Variants in PI16 observed in about 807,000 individuals in gnomAD.
PI16 encodes peptidase inhibitor 16, also known as PSP94-binding protein.
A neutral mutation model predicts 38.0 loss-of-function variants in PI16; 35 were observed. The observed-to-expected ratio is 0.92, with a 90% CI of 0.70 to 1.22. The LOEUF is 1.22. PI16 is among the 50% of genes most tolerant of loss of function. The probability of loss-of-function intolerance (pLI) is 0.00; values close to 1 mark genes in which losing one functional copy is unlikely to be tolerated. For synonymous variants in PI16, 275 were observed against 252.9 expected, an observed-to-expected ratio of 1.09 and a Z score of -0.83; for missense variants, 572 against 593.8, an observed-to-expected ratio of 0.96 and a Z score of 0.38.
At chr6:36,950,811 G>A (rs1763088210), upstream of PI16, among the ~76,000 whole-genome samples, 1 of 152,096 alleles carries the variant, frequency 6.6e-6, no homozygotes, top group Non-Finnish European at 1.5e-5. The surrounding 1 kb of genome is among the most constrained non-coding windows in gnomAD (Gnocchi z 4.2). Context: ...CCAAAATGCT[G>A]TGATTACAGG....
chr6:36,956,661 T>G (rs912032501), intron 1 of PI16, among the ~76,000 whole-genome samples: 1 of 152,238 alleles, frequency 6.6e-6, no homozygotes, highest in Admixed American at 6.5e-5. Context: ...TTGGCCAAAT[T>G]AAACTCTCTG....
chr6:36,962,633 C>T lies in PI16; in HGVS notation c.593-302C>T, dbSNP rs756728693. 6.6e-6 allele frequency among the ~76,000 whole-genome samples: 1 copy of T among 152,094 alleles called. No homozygotes were observed. Among genetic ancestry groups the T allele is most frequent in the Non-Finnish European group, 1.5e-5 (1 of 68,018 alleles). ...GGACTACAGGCACGCGCCACCACGC[C>T]TGGCTAATTTTGTATTTTTAGTAGA... On this transcript the variant is annotated intron_variant, in intron 4 of 6. Transcript: ENST00000373674. The surrounding 1 kb of genome is among the most constrained non-coding windows in gnomAD (Gnocchi z 4.1).
chr6:36,962,635 G>A lies in PI16; in HGVS notation c.593-300G>A, dbSNP rs535569967. On this transcript the variant is annotated intron_variant, in intron 4 of 6. Transcript: ENST00000373674. The surrounding 1 kb of genome is among the most constrained non-coding windows in gnomAD (Gnocchi z 4.1). ...ACTACAGGCACGCGCCACCACGCCT[G>A]GCTAATTTTGTATTTTTAGTAGAGA... Among the ~76,000 whole-genome samples the A allele has an allele frequency of 1.1e-3, 164 of 152,148 alleles. No individual in the cohort carries two copies. Among genetic ancestry groups the A allele is most frequent in the Non-Finnish European group, 1.9e-3 (131 of 67,980 alleles).
At position 36,959,294 on chromosome 6, in the gene PI16, C is replaced by A; in HGVS notation, c.321C>A (p.His107Gln). Reference protein sequence around the residue: ...MDVPLAMEEWHHEREHYNLSA... With the variant: ...MDVPLAMEEWQHEREHYNLSA... ...TGCCGCTGGCCATGGAGGAGTGGCA[C>A]CACGAGCGTGAGCACTACAACCTCA... The change falls in exon 2 of 7, where the codon CAC becomes CAA. Residue 107 changes from histidine to glutamine, a missense_variant. His to Gln is a conservative substitution (Grantham distance 24). Coordinates refer to ENST00000373674, the MANE Select transcript of PI16 (RefSeq NM_153370.3). The A allele has an allele frequency of 6.3e-7, 1 of 1,593,248 alleles. No homozygotes were observed. The highest frequency in any genetic ancestry group is 1.1e-5 in the South Asian group (1 of 87,808).
chr6:36,959,117 C>T (rs1197852463), intron 1 of PI16, 28 bp from the exon 2 acceptor site: 1 of 1,579,946 alleles, frequency 6.3e-7, no homozygotes, highest in Non-Finnish European at 8.6e-7. Context: ...TGGGCATCCT[C>T]ACCTCCCTTC....
rs1026962513 is a variant in PI16 at position 36,962,273 on chromosome 6, G to C, written c.592+299G>C. On this transcript the variant is annotated intron_variant, in intron 4 of 6. Coordinates refer to ENST00000373674, the MANE Select transcript of PI16 (RefSeq NM_153370.3). This position sits in a 1 kb window ranked among gnomAD's most constrained non-coding sequence, Gnocchi z 4.1. ...CACACTTTAGGGTCTCGAGGAGCGGGCTGGGGCCAGACCGGTGGGCGTGGT... is the reference window on the plus strand; with the variant it reads ...CACACTTTAGGGTCTCGAGGAGCGGCCTGGGGCCAGACCGGTGGGCGTGGT... 2.0e-5 allele frequency among the ~76,000 whole-genome samples: 3 copies of C among 152,166 alleles called. No homozygotes were observed. The highest frequency in any genetic ancestry group is 7.2e-5 in the African/African-American group (3 of 41,434).
rs1763463097 is a variant in PI16 at position 36,964,614 on chromosome 6, G to A, written c.*247G>A. On this transcript the variant is annotated 3_prime_UTR_variant, in exon 7 of 7. Transcript: ENST00000373674. ...CTGCCCCTCCCTCCTGAGTCCTGGG[G>A]GTGGGAGGATTTGAGGGAGCTCACT... The A allele has an allele frequency of 6.6e-6, 1 of 152,604 alleles. No homozygotes were observed. The highest frequency in any genetic ancestry group is 2.4e-5 in the African/African-American group (1 of 41,444). The allele number at this position is 152,604 out of a possible 1,614,324, so 9.5% of individuals were successfully genotyped here.
intron 2 of PI16, among the ~76,000 whole-genome samples, chr6:36,960,772 T>G (rs1253943261): frequency 6.6e-5 from 10 of 151,990 alleles, no homozygotes; most frequent in Non-Finnish European, 1.5e-4. Flanking sequence ...TCTGGAGTCG[T>G]TTCTGCCCAG....
At chr6:36,953,818 T>C (rs1763139977), upstream of PI16, among the ~76,000 whole-genome samples, 1 of 152,230 alleles carries the variant, frequency 6.6e-6, no homozygotes, top group Non-Finnish European at 1.5e-5. Context: ...GAGCTCCTGG[T>C]GCATCAGCTC....
upstream of PI16, among the ~76,000 whole-genome samples, chr6:36,951,344 G>A (rs1763097022): frequency 6.6e-6 from 1 of 151,882 alleles, no homozygotes; most frequent in African/African-American, 2.4e-5. Context: ...TGACCTCCCA[G>A]GCCCAAGCAA....
rs1450637642 is a variant in PI16 at position 36,959,307 on chromosome 6, C to A, written c.334C>A (p.His112Asn). Residue 112 changes from histidine (H) to asparagine (N), a missense_variant, in exon 2 of 7, where the codon CAC (histidine) becomes AAC (asparagine). Transcript: ENST00000373674. Reference sequence around the variant, plus strand: ...GGAGGAGTGGCACCACGAGCGTGAGCACTACAACCTCAGCGCCGCCACCTG... The same window carrying A: ...GGAGGAGTGGCACCACGAGCGTGAGAACTACAACCTCAGCGCCGCCACCTG... ...AMEEWHHERE[H>N]YNLSAATCSP... is the part of the protein sequence containing the mutation. 2 of 1,587,914 alleles carry A rather than the reference C, an allele frequency of 1.3e-6. No homozygotes were observed. Among genetic ancestry groups the A allele is most frequent in the South Asian group, 1.1e-5 (1 of 87,302 alleles).
intron 1 of PI16, among the ~76,000 whole-genome samples, chr6:36,958,831 A>C (rs1763271352): frequency 6.6e-6 from 1 of 152,120 alleles, no homozygotes; most frequent in Admixed American, 6.5e-5. Context: ...CACCTTTTTC[A>C]CATGAGGCTT....
At position 36,963,584 on chromosome 6, in the gene PI16, T is replaced by A. The variant is rs1047853608; in HGVS notation, c.1242T>A (p.Arg414=). ...TSATANATGG[R]ALALQSSLPG... is the part of the protein sequence containing the mutation. Reference sequence around the variant, plus strand: ...CCACCGCTAATGCCACGGGTGGGCGTGCCCTGGCTCTGCAGTCGTCCTTGC... The same window carrying A: ...CCACCGCTAATGCCACGGGTGGGCGAGCCCTGGCTCTGCAGTCGTCCTTGC... Residue 414 remains arginine, a synonymous_variant, in exon 5 of 7, where the codon CGT becomes CGA. Coordinates refer to ENST00000373674, the MANE Select transcript of PI16 (RefSeq NM_153370.3). The A allele has an allele frequency of 3.1e-6, 5 of 1,614,142 alleles. No individual in the cohort carries two copies. The highest frequency in any genetic ancestry group is 2.2e-5 in the East Asian group (1 of 44,892).
upstream of PI16, among the ~76,000 whole-genome samples, chr6:36,951,177 A>T (rs2150732509): frequency 6.6e-6 from 1 of 152,358 alleles, no homozygotes; most frequent in African/African-American, 2.4e-5. Flanking sequence ...TGTCTTTTCG[A>T]CAATGAATAA....
rs113938570 is a variant in PI16 at position 36,959,374 on chromosome 6, C to T, written c.393+8C>T. ...TGCGGCCACTACACGCAGGTGTGGG[C>T]CCGGCGGGCGAGGCGGGGCGGAGCC... On this transcript the variant is annotated splice_region_variant and intron_variant, in intron 2 of 6. Coordinates refer to ENST00000373674, the MANE Select transcript of PI16 (RefSeq NM_153370.3). 663 of 1,545,418 alleles carry T rather than the reference C, an allele frequency of 4.3e-4. 4 individuals carry two copies. The African/African-American group carries it at 6.9e-3, about 16-fold the overall frequency.
intron 1 of PI16, among the ~76,000 whole-genome samples, chr6:36,955,312 G>A (rs1465028280): frequency 1.3e-5 from 2 of 152,148 alleles, no homozygotes; most frequent in African/African-American, 2.4e-5. Context: ...GGGGGAACCC[G>A]GGAAGTTCTT....
chr6:36,959,111 C>A, intron 1 of PI16, 34 bp from the exon 2 acceptor site: 1 of 1,564,780 alleles, frequency 6.4e-7, no homozygotes, highest in South Asian at 1.2e-5. Flanking sequence ...CATCTGTGGG[C>A]ATCCTCACCT....
upstream of PI16, among the ~76,000 whole-genome samples, chr6:36,950,240 T>C (rs1763077403): frequency 6.6e-6 from 1 of 152,174 alleles, no homozygotes; most frequent in Admixed American, 6.5e-5. The surrounding 1 kb of genome is among the most constrained non-coding windows in gnomAD (Gnocchi z 4.2). Flanking sequence ...ATTTTCTGTC[T>C]CTATAAATTT....
intron 1 of PI16, among the ~76,000 whole-genome samples, chr6:36,956,128 A>C (rs1404546760): frequency 6.6e-6 from 1 of 152,224 alleles, no homozygotes; most frequent in African/African-American, 2.4e-5. Context: ...AGATGGAAAC[A>C]TGGGGCTGGC....
Sources: gnomAD v4.1 joint callset for allele counts (sites outside exome capture counted in the v4.1 genomes callset) on GRCh38, gnomAD v4.1.1 for gene constraint, Gnocchi (gnomAD v3.1) non-coding constraint, MANE v1.5 for transcripts, NCBI Gene and HGNC (gene_info 2026-07-23, HGNC 2026-07-21) for gene names.